The following MAPKAPK2 variants were observed in gnomAD, a reference collection of about 807,000 sequenced individuals.
MAPKAPK2 encodes MAPK activated protein kinase 2, also known as MAP kinase-activated protein kinase 2.
Under a neutral mutation model 48.8 loss-of-function variants are expected in MAPKAPK2, and 9 were observed. The ratio of observed to expected loss-of-function variants is 0.18; its 90% CI spans 0.11 to 0.32. The LOEUF is 0.32. Among genes scored for constraint, MAPKAPK2 ranks in the 10% least tolerant of loss-of-function variants. The pLI is 1.00. For synonymous variants in MAPKAPK2, 202 were observed against 190.6 expected (o/e 1.06, Z -0.49); for missense variants, 331 against 498.3 (o/e 0.66, Z 3.20).
intron 1 of MAPKAPK2, chr1:206,696,255 C>T: frequency 7.4e-7 from 1 of 1,349,842 alleles, no homozygotes; most frequent in Non-Finnish European, 1.1e-6. Context: ...TTTCCTTCCC[C>T]TTTCAAGGTG....
chr1:206,732,343 G>T lies in MAPKAPK2; in HGVS notation c.1060-232G>T. The T allele has an allele frequency of 6.9e-7, 1 of 1,443,296 alleles. No individual in the cohort carries two copies. The highest frequency in any genetic ancestry group is 9.1e-7 in the Non-Finnish European group (1 of 1,102,004). The allele number at this position is 1,443,296 out of a possible 1,614,324, so 89.4% of individuals were successfully genotyped here. A position where few individuals can be genotyped will look rare whatever the true frequency, so the allele number is the denominator to read the frequency against. ...TCCTATCCTGCGGGATCACTGGGGG[G>T]CTCTCAGGGAACAGCAGCAGTGCCA... is the stretch of plus-strand genomic sequence containing the variant. On this transcript the variant is annotated intron_variant, in intron 9 of 9. Transcript: ENST00000367103. This position sits in a 1 kb window ranked among gnomAD's most constrained non-coding sequence, Gnocchi z 4.4.
At chr1:206,698,835 G>T (rs1672707721) in intron 1 of MAPKAPK2, among the ~76,000 whole-genome samples, 1 of 152,076 alleles carries the variant, frequency 6.6e-6, no homozygotes, top group Non-Finnish European at 1.5e-5. Context: ...CTATTTGGGG[G>T]GTGGGAAGGG....
chr1:206,722,740 C>G (rs951124210), intron 1 of MAPKAPK2, among the ~76,000 whole-genome samples: 1 of 152,242 alleles, frequency 6.6e-6, no homozygotes, highest in East Asian at 1.9e-4. Flanking sequence ...GCCAGCCCCC[C>G]TCGGCCTGCA....
chr1:206,685,094 G>A lies in MAPKAPK2; in HGVS notation c.-136G>A, dbSNP rs1284563731. 2 of 194,272 alleles carry A rather than the reference G, an allele frequency of 1.0e-5. No homozygotes were observed. The highest frequency in any genetic ancestry group is 2.0e-5 in the Non-Finnish European group (2 of 97,766). The allele number at this position is 194,272 out of a possible 1,614,324, so 12.0% of individuals were successfully genotyped here. ...CCCGCGACCCGCCGAGCCTGGAGCC[G>A]GGCCGGGTCGGGGAAGCCGGCTCCA... On this transcript the variant is annotated 5_prime_UTR_variant, in exon 1 of 10. Coordinates refer to ENST00000367103, the MANE Select transcript of MAPKAPK2 (RefSeq NM_032960.4).
chr1:206,702,353 G>A (rs1218472738), intron 1 of MAPKAPK2, among the ~76,000 whole-genome samples: 2 of 152,182 alleles, frequency 1.3e-5, no homozygotes, highest in Non-Finnish European at 1.5e-5. Context: ...GTCATGGCAT[G>A]CGTCAGAGTG....
In MAPKAPK2 at chr1:206,704,854, T is replaced by C. The variant is rs996998541; in HGVS notation, c.279+19346T>C. ...TGTACTCCAAGTGGTAGGAGAGCTA[T>C]GTTCAGGGAACTGGGTGAACTTGGA... On this transcript the variant is annotated intron_variant, in intron 1 of 9. Transcript: ENST00000367103. This position sits in a 1 kb window ranked among gnomAD's most constrained non-coding sequence, Gnocchi z 4.3. Among the ~76,000 whole-genome samples, 1 of 152,206 alleles carries C rather than the reference T, an allele frequency of 6.6e-6. No individual in the cohort carries two copies. Among genetic ancestry groups the C allele is most frequent in the African/African-American group, 2.4e-5 (1 of 41,456 alleles).
In MAPKAPK2 at chr1:206,732,584, ACCAGTGCCTTGG is replaced by A. The variant is rs1673956198; in HGVS notation, c.1073_1084del (p.Ser358_Ala361del). 1 of 1,613,762 alleles carries A rather than the reference ACCAGTGCCTTGG, an allele frequency of 6.2e-7. No homozygotes were observed. Among genetic ancestry groups the A allele is most frequent in the Non-Finnish European group, 8.5e-7 (1 of 1,180,012 alleles). On this transcript the variant is annotated inframe_deletion, in exon 10 of 10. Coordinates refer to ENST00000367103, the MANE Select transcript of MAPKAPK2 (RefSeq NM_032960.4). The surrounding 1 kb of genome is among the most constrained non-coding windows in gnomAD (Gnocchi z 4.4). ...GCTGCCGTGCCCCCAGGAGGAGATGACCAGTGCCTTGGCCACAATGCGCGTTGACTACGAGCA... is the reference window on the plus strand; with the variant it reads ...GCTGCCGTGCCCCCAGGAGGAGATGACCACAATGCGCGTTGACTACGAGCA...
At position 206,716,169 on chromosome 1, in the gene MAPKAPK2, T is replaced by C. The variant is rs782459614; in HGVS notation, c.280-12541T>C. Among the ~76,000 whole-genome samples the C allele has an allele frequency of 5.9e-5, 9 of 152,142 alleles. No homozygotes were observed. The South Asian group carries it at 6.2e-4, about 11-fold the overall frequency. On this transcript the variant is annotated intron_variant, in intron 1 of 9. Coordinates refer to ENST00000367103, the MANE Select transcript of MAPKAPK2 (RefSeq NM_032960.4). ...GCCAGAAGTAAGTTCAGGGTAATAG[T>C]TCCCTTCCTTGTATCTTCAGCTGTG...
At chr1:206,686,214 C>T (rs1672285372) in intron 1 of MAPKAPK2, among the ~76,000 whole-genome samples, 1 of 152,180 alleles carries the variant, frequency 6.6e-6, no homozygotes, top group Admixed American at 6.5e-5. Context: ...CGCGGCCCGG[C>T]TGATCATTGT....
chr1:206,720,662 A>G (rs1553431083), intron 1 of MAPKAPK2, among the ~76,000 whole-genome samples: 2 of 152,122 alleles, frequency 1.3e-5, no homozygotes, highest in African/African-American at 2.4e-5. Context: ...GCCAGCCCCT[A>G]TGCCTTTATT....
rs782335118 is a variant in MAPKAPK2, at chr1:206,730,772, G to A, written c.767+9G>A. 1.9e-6 allele frequency: 3 copies of A among 1,608,800 alleles called. No homozygotes were observed. The highest frequency in any genetic ancestry group is 2.6e-6 in the Non-Finnish European group (3 of 1,175,644). On this transcript the variant is annotated intron_variant, in intron 6 of 9. Coordinates refer to ENST00000367103, the MANE Select transcript of MAPKAPK2 (RefSeq NM_032960.4). ...GTCATCATGTACATCCTGTGAGTGT[G>A]CTGGGGAGGGGGCTGGGTGGGGCAG...
intron 1 of MAPKAPK2, among the ~76,000 whole-genome samples, chr1:206,707,454 AGC>A (rs1672999816): frequency 6.6e-6 from 1 of 152,162 alleles, no homozygotes; most frequent in Non-Finnish European, 1.5e-5. Flanking sequence ...AAACCAGAGC[AGC>A]AAAGGTAGAG....
chr1:206,695,450 GT>G lies in MAPKAPK2; in HGVS notation c.279+9959del, dbSNP rs797043593. Among the ~76,000 whole-genome samples the G allele has an allele frequency of 6.2e-3, 763 of 122,934 alleles. 2 individuals are homozygous for G. The highest frequency in any genetic ancestry group is 0.013 in the African/African-American group (429 of 34,026). 80.6% of individuals were successfully genotyped at this position (122,934 alleles called of 152,430 possible). On this transcript the variant is annotated intron_variant, in intron 1 of 9. Coordinates refer to ENST00000367103, the MANE Select transcript of MAPKAPK2 (RefSeq NM_032960.4). The stretch of plus-strand genomic sequence containing the variant: ...TCTTTCCCAGATCTGGCCCTGATCT[GT>G]TTTTTTTTTTTTTTTTGGAACACAT...
intron 1 of MAPKAPK2, among the ~76,000 whole-genome samples, chr1:206,710,317 T>G (rs1553429263): frequency 6.6e-6 from 1 of 152,230 alleles, no homozygotes; most frequent in Non-Finnish European, 1.5e-5. Context: ...GAAGAGTCTT[T>G]TGGTGATTGG....
At chr1:206,719,008 A>G (rs1466618499) in intron 1 of MAPKAPK2, among the ~76,000 whole-genome samples, 3 of 152,098 alleles carry the variant, frequency 2.0e-5, no homozygotes, top group African/African-American at 7.2e-5. Context: ...GTCTGGTGAA[A>G]TTATCATCTT....
chr1:206,691,502 T>TATATATATATATATATATATACATAC (rs1553426248), intron 1 of MAPKAPK2, among the ~76,000 whole-genome samples: 1 of 132,730 alleles, frequency 7.5e-6, no homozygotes, highest in Non-Finnish European at 1.6e-5. Flanking sequence ...TATATATATA[T>TATATATATATATATATATATACATAC]ATACACACAT....
intron 1 of MAPKAPK2, among the ~76,000 whole-genome samples, chr1:206,694,243 G>A (rs941203012): frequency 1.3e-5 from 2 of 152,172 alleles, no homozygotes; most frequent in Non-Finnish European, 2.9e-5. Context: ...TTGGGGGAAG[G>A]GGTGTATGGT....
intron 1 of MAPKAPK2, among the ~76,000 whole-genome samples, chr1:206,689,265 G>A (rs1249358327): frequency 6.6e-6 from 1 of 152,148 alleles, no homozygotes; most frequent in Non-Finnish European, 1.5e-5. Context: ...TCATGGAAGT[G>A]CCACTGCGAT....
At chr1:206,686,063 C>T (rs1672278447) in intron 1 of MAPKAPK2, among the ~76,000 whole-genome samples, 1 of 152,152 alleles carries the variant, frequency 6.6e-6, no homozygotes, top group South Asian at 2.1e-4. Context: ...TGGGGCGCGC[C>T]GGGCAGGAGG....
Sources: gnomAD v4.1 joint callset for allele counts (sites outside exome capture counted in the v4.1 genomes callset) on GRCh38, gnomAD v4.1.1 for gene constraint, Gnocchi (gnomAD v3.1) non-coding constraint, MANE v1.5 for transcripts, NCBI Gene and HGNC (gene_info 2026-07-23, HGNC 2026-07-21) for gene names.